ARMC2: variants seen among roughly 807,000 people sequenced by gnomAD.
The protein encoded by ARMC2 is armadillo repeat containing 2.
Under a neutral mutation model 90.3 loss-of-function variants are expected in ARMC2, and 67 were observed. The ratio of observed to expected loss-of-function variants is 0.74; its 90% CI spans 0.61 to 0.91. The LOEUF is 0.91. Ranked by LOEUF, ARMC2 falls within the 40% of genes least tolerant of loss-of-function variation. ARMC2 has a pLI of 0.00. For missense variants in ARMC2, 920 were observed against 1,030.9 expected (o/e 0.89, Z 1.47); for synonymous variants, 393 against 393.0 (o/e 1.00, Z 0.00).
chr6:108,983,914 T>C, the ARMC2 span, among the ~76,000 whole-genome samples: 420 of 152,368 alleles, frequency 2.8e-3, 2 homozygotes, highest in African/African-American at 9.9e-3. Context: ...CCATGGGCCA[T>C]GGACCAGTCC....
the ARMC2 span, among the ~76,000 whole-genome samples, chr6:108,980,606 C>T: frequency 6.6e-6 from 1 of 152,150 alleles, no homozygotes; most frequent in South Asian, 2.1e-4. Flanking sequence ...CCCACAGCCG[C>T]CCCTTCCCCC....
rs760109055 is a variant in ARMC2, at chr6:108,904,229, G to T, written c.848-1G>T. ...TTGCTTTACTCTCTTTGCTCTGACA[G>T]AAGAAAACATTGAAACGGTTTGTGC... On this transcript the variant is annotated splice_acceptor_variant, in intron 7 of 17. Transcript: ENST00000392644. LOFTEE classifies it high-confidence loss of function. 1.2e-6 allele frequency: 2 copies of T among 1,613,224 alleles called. No individual in the cohort carries two copies. The highest frequency in any genetic ancestry group is 1.7e-6 in the Non-Finnish European group (2 of 1,179,630).
chr6:108,903,306 C>T (rs1257516218), intron 7 of ARMC2, among the ~76,000 whole-genome samples: 3 of 151,796 alleles, frequency 2.0e-5, no homozygotes, highest in African/African-American at 7.3e-5. Context: ...TAGGATCTTG[C>T]TATATTGCCC....
At chr6:109,004,283 A>C in the ARMC2 span, among the ~76,000 whole-genome samples, 1 of 152,242 alleles carries the variant, frequency 6.6e-6, no homozygotes, top group Non-Finnish European at 1.5e-5. Flanking sequence ...TGATAAATTT[A>C]ATGACATAAA....
chr6:108,980,774 A>G, the ARMC2 span, among the ~76,000 whole-genome samples: 2 of 152,178 alleles, frequency 1.3e-5, no homozygotes, highest in African/African-American at 4.8e-5. Flanking sequence ...ACCCAGTTCA[A>G]ACTTCCCAGT....
chr6:108,880,933 G>A (rs1777481165), intron 5 of ARMC2, among the ~76,000 whole-genome samples: 1 of 151,488 alleles, frequency 6.6e-6, no homozygotes, highest in South Asian at 2.1e-4. Flanking sequence ...TTGGCTCACT[G>A]CAACCTCCGC....
the ARMC2 span, chr6:109,009,679 C>G: frequency 3.0e-3 from 1,522 of 500,338 alleles, 4 homozygotes; most frequent in Non-Finnish European, 3.7e-3. Flanking sequence ...GCCCCTCCGG[C>G]GCGGAGGCTG....
the ARMC2 span, among the ~76,000 whole-genome samples, chr6:109,008,540 G>T: frequency 1.3e-5 from 2 of 152,072 alleles, no homozygotes; most frequent in African/African-American, 4.8e-5. Context: ...CTCCATTAAA[G>T]AAATCACGAA....
chr6:109,009,216 C>G, the ARMC2 span: 2 of 858,262 alleles, frequency 2.3e-6, no homozygotes, highest in South Asian at 6.7e-5. Flanking sequence ...CCCGGGAGCC[C>G]GCCCTATCTG....
Position 108,936,908 on chromosome 6 carries a change from C to G in ARMC2, c.1505C>G (p.Thr502Ser), listed in dbSNP as rs775633260. 6 of 1,594,958 alleles carry G rather than the reference C, an allele frequency of 3.8e-6. No individual in the cohort carries two copies. The highest frequency in any genetic ancestry group is 2.6e-6 in the Non-Finnish European group (3 of 1,169,666). ...TNIARIFSKL[T>S]SYRDCCTALA... ...ATTTGGCATTTCTGCAGCAAACTTA[C>G]TTCTTACCGTGACTGCTGCACAGCC... The change falls in exon 12 of 18, where the codon ACT becomes AGT. Residue 502 changes from threonine to serine, a missense_variant. Coordinates refer to ENST00000392644, the MANE Select transcript of ARMC2 (RefSeq NM_032131.6).
the ARMC2 span, among the ~76,000 whole-genome samples, chr6:109,030,474 C>T: frequency 6.6e-6 from 1 of 152,092 alleles, no homozygotes; most frequent in African/African-American, 2.4e-5. Flanking sequence ...AGATGAGGCA[C>T]CTGAACTTCT....
chr6:109,041,193 T>TC, the ARMC2 span, among the ~76,000 whole-genome samples: 20 of 150,536 alleles, frequency 1.3e-4, no homozygotes, highest in African/African-American at 4.6e-4. Flanking sequence ...GCACCTATAG[T>TC]CCCAGCTACT....
the ARMC2 span, among the ~76,000 whole-genome samples, chr6:108,988,985 T>C: frequency 1.3e-5 from 2 of 152,194 alleles, no homozygotes; most frequent in Non-Finnish European, 2.9e-5. Context: ...TCTGCAATCA[T>C]GAACACGTAG....
chr6:108,928,871 C>T (rs1775308505), intron 11 of ARMC2, among the ~76,000 whole-genome samples: 1 of 152,146 alleles, frequency 6.6e-6, no homozygotes, highest in African/African-American at 2.4e-5. Context: ...TGAGGCTTTT[C>T]TTGAACTATA....
the ARMC2 span, among the ~76,000 whole-genome samples, chr6:109,006,601 G>A: frequency 6.6e-6 from 1 of 152,026 alleles, no homozygotes; most frequent in Non-Finnish European, 1.5e-5. Context: ...TCTAGAGTTG[G>A]TATCTTTCAT....
chr6:108,898,449 G>T (rs754420766), intron 6 of ARMC2, among the ~76,000 whole-genome samples: 1 of 152,150 alleles, frequency 6.6e-6, no homozygotes, highest in African/African-American at 2.4e-5. Flanking sequence ...ACCAAGTGCC[G>T]GATAAAGGAC....
chr6:108,875,623 G>A (rs568612934), intron 4 of ARMC2, among the ~76,000 whole-genome samples: 1 of 152,016 alleles, frequency 6.6e-6, no homozygotes, highest in African/African-American at 2.4e-5. Context: ...TTTTTCCATA[G>A]CACTTATTAT....
chr6:108,859,055 C>G (rs1774948435), intron 3 of ARMC2, among the ~76,000 whole-genome samples: 1 of 152,222 alleles, frequency 6.6e-6, no homozygotes, highest in Non-Finnish European at 1.5e-5. Flanking sequence ...ATAGCTGAGA[C>G]TTGAATTAAT....
the ARMC2 span, among the ~76,000 whole-genome samples, chr6:109,046,006 A>G: frequency 2.0e-5 from 3 of 152,230 alleles, no homozygotes; most frequent in African/African-American, 7.2e-5. Flanking sequence ...CCAATGCCTC[A>G]ACTTTCAATA....
Sources: gnomAD v4.1 joint callset for allele counts (sites outside exome capture counted in the v4.1 genomes callset) on GRCh38, gnomAD v4.1.1 for gene constraint, MANE v1.5 for transcripts, NCBI Gene and HGNC (gene_info 2026-07-23, HGNC 2026-07-21) for gene names.